Variants in UNC5C observed in about 807,000 individuals in gnomAD.
UNC5C encodes the protein netrin receptor UNC5C.
UNC5C carries 47 observed loss-of-function variants against 99.8 expected under a neutral mutation model. The observed-to-expected ratio is 0.47, with a 90% confidence interval of 0.37 to 0.60. The LOEUF is 0.60. Among genes scored for constraint, UNC5C ranks in the 20% least tolerant of loss-of-function variants. The pLI is 0.00. For synonymous variants in UNC5C, 487 were observed against 452.2 expected, an observed-to-expected ratio of 1.08 and a Z score of -0.98; for missense variants, 1,062 against 1,165.9, an observed-to-expected ratio of 0.91 and a Z score of 1.30.
intron 12 of UNC5C, 59 bp downstream of exon 12, chr4:95,202,672 T>C: frequency 6.5e-7 from 1 of 1,540,236 alleles, no homozygotes; most frequent in Non-Finnish European, 8.9e-7. Flanking sequence ...TGCACAGCCG[T>C]GCAAAACCTT....
chr4:95,310,597 G>A (rs1184875141), intron 2 of UNC5C, among the ~76,000 whole-genome samples: 1 of 152,074 alleles, frequency 6.6e-6, no homozygotes, highest in Non-Finnish European at 1.5e-5. Context: ...TTATTCAAAA[G>A]TTAAATAATT....
At chr4:95,525,596 TAAAAAAAAAAAA>T (rs574532435) in intron 1 of UNC5C, among the ~76,000 whole-genome samples, 5 of 102,162 alleles carry the variant, frequency 4.9e-5, no homozygotes, top group East Asian at 6.3e-4. Flanking sequence ...GCCTATTTCT[TAAAAAAAAAAAA>T]AAAAAAAAAA....
At chr4:95,314,539 C>G (rs951189021) in intron 2 of UNC5C, among the ~76,000 whole-genome samples, 2 of 152,294 alleles carry the variant, frequency 1.3e-5, no homozygotes, top group African/African-American at 4.8e-5. Flanking sequence ...GAGGCAGAGA[C>G]ATTAAGCAAT....
chr4:95,301,491 G>A, intron 3 of UNC5C, 115 bp downstream of exon 3: 1 of 1,462,328 alleles, frequency 6.8e-7, no homozygotes, highest in Non-Finnish European at 9.3e-7. Flanking sequence ...CACCGCGCCT[G>A]GCCTTTCCAG....
chr4:95,369,560 A>G (rs1361689194), intron 1 of UNC5C, among the ~76,000 whole-genome samples: 1 of 152,120 alleles, frequency 6.6e-6, no homozygotes, highest in Non-Finnish European at 1.5e-5. Context: ...CATCTCCAAA[A>G]AAAGGAGATT....
At chr4:95,221,013 A>G (rs1738450548) in intron 7 of UNC5C, among the ~76,000 whole-genome samples, 1 of 152,222 alleles carries the variant, frequency 6.6e-6, no homozygotes, top group Admixed American at 6.5e-5. Context: ...TTTGACCAAC[A>G]CAGTGTGTCA....
At chr4:95,315,271 C>T (rs1296210008) in intron 2 of UNC5C, among the ~76,000 whole-genome samples, 1 of 152,074 alleles carries the variant, frequency 6.6e-6, no homozygotes, top group Non-Finnish European at 1.5e-5. Context: ...GATGGAATGG[C>T]TGAAACATGT....
chr4:95,502,524 C>T (rs917145482), intron 1 of UNC5C, among the ~76,000 whole-genome samples: 39 of 152,164 alleles, frequency 2.6e-4, no homozygotes, highest in African/African-American at 9.4e-4. Context: ...CCTCCAGCCT[C>T]AGCCTCCCAA....
At chr4:95,228,633 G>A (rs191044790) in intron 7 of UNC5C, among the ~76,000 whole-genome samples, 174 of 152,276 alleles carry the variant, frequency 1.1e-3, no homozygotes, top group African/African-American at 3.9e-3. Context: ...CACCTCCACC[G>A]TCCTTCTTAA....
At chr4:95,496,716 G>A (rs1220093862) in intron 1 of UNC5C, among the ~76,000 whole-genome samples, 7 of 151,706 alleles carry the variant, frequency 4.6e-5, no homozygotes, top group African/African-American at 1.7e-4. Context: ...AGTTTTTGAG[G>A]TACAGGTGGT....
At chr4:95,523,308 C>T (rs1040031668) in intron 1 of UNC5C, among the ~76,000 whole-genome samples, 2 of 152,128 alleles carry the variant, frequency 1.3e-5, no homozygotes, top group African/African-American at 4.8e-5. Flanking sequence ...GAGCCTTTAG[C>T]CGCCAACAGG....
chr4:95,479,655 T>G (rs1560849412), intron 1 of UNC5C, among the ~76,000 whole-genome samples: 2 of 151,932 alleles, frequency 1.3e-5, no homozygotes, highest in African/African-American at 4.8e-5. Context: ...AGGAATAGCT[T>G]AGTTTATAAG....
At chr4:95,316,126 T>C (rs955174622) in intron 2 of UNC5C, among the ~76,000 whole-genome samples, 8 of 152,156 alleles carry the variant, frequency 5.3e-5, no homozygotes, top group Admixed American at 3.3e-4. Flanking sequence ...GCTCACATTT[T>C]TACTCTCAGA....
intron 1 of UNC5C, among the ~76,000 whole-genome samples, chr4:95,424,153 T>C (rs776427670): frequency 3.5e-4 from 53 of 152,174 alleles, no homozygotes; most frequent in Non-Finnish European, 6.5e-4. Flanking sequence ...TAGTAAATCA[T>C]ATTGAATGTT....
intron 2 of UNC5C, among the ~76,000 whole-genome samples, chr4:95,312,783 T>C (rs975885013): frequency 6.6e-6 from 1 of 152,136 alleles, no homozygotes; most frequent in Admixed American, 6.6e-5. Context: ...CATCCATATA[T>C]TGAAGGCATT....
chr4:95,195,692 A>G (rs996496501), intron 12 of UNC5C, among the ~76,000 whole-genome samples: 10 of 152,178 alleles, frequency 6.6e-5, no homozygotes, highest in Admixed American at 2.6e-4. Flanking sequence ...CTGACTGTCC[A>G]TGACTGTGGC....
rs145024545 is a variant in UNC5C, at chr4:95,170,173, G to A, written c.2611C>T (p.His871Tyr). 814 of 1,613,990 alleles carry A rather than the reference G, an allele frequency of 5.0e-4. 2 individuals carry two copies. Among genetic ancestry groups the A allele is most frequent in the Non-Finnish European group, 5.9e-4 (701 of 1,180,020 alleles). ...ACCCACCTGTCCAGGTTCAGCTTATGGGCCAGCATCCTCCAGTCATGGCCT... is the reference window on the plus strand; with the variant it reads ...ACCCACCTGTCCAGGTTCAGCTTATAGGCCAGCATCCTCCAGTCATGGCCT... ...TRGHDWRMLA[H>Y]KLNLDRYLNY... is the part of the protein sequence containing the mutation. Residue 871 changes from histidine to tyrosine, a missense_variant, in exon 15 of 16, where the codon CAT (histidine) becomes TAT (tyrosine). Coordinates refer to ENST00000453304, the MANE Select transcript of UNC5C (RefSeq NM_003728.4).
chr4:95,239,972 A>G (rs754888370), intron 7 of UNC5C, among the ~76,000 whole-genome samples: 1 of 152,188 alleles, frequency 6.6e-6, no homozygotes, highest in Non-Finnish European at 1.5e-5. Flanking sequence ...GTACACCTAC[A>G]TTTATATCAG....
intron 1 of UNC5C, among the ~76,000 whole-genome samples, chr4:95,347,778 G>A (rs896270558): frequency 6.6e-6 from 1 of 151,914 alleles, no homozygotes; most frequent in Non-Finnish European, 1.5e-5. Context: ...GTAAAGAATT[G>A]AATCTAAGAC....
Sources: gnomAD v4.1 joint callset for allele counts (sites outside exome capture counted in the v4.1 genomes callset) on GRCh38, gnomAD v4.1.1 for gene constraint, MANE v1.5 for transcripts, NCBI Gene and HGNC (gene_info 2026-07-23, HGNC 2026-07-21) for gene names.